The following PRKX variants were observed in gnomAD, a reference collection of about 807,000 sequenced individuals.
The protein encoded by PRKX is cAMP-dependent protein kinase catalytic subunit PRKX.
A neutral mutation model predicts 22.0 loss-of-function variants in PRKX; 12 were observed. The observed-to-expected ratio is 0.54, with a 90% CI of 0.35 to 0.88. The LOEUF (loss-of-function observed/expected upper bound fraction) is 0.88. PRKX is among the 40% of genes least tolerant of loss of function. The probability of loss-of-function intolerance (pLI) is 0.01; values close to 1 mark genes in which losing one functional copy is unlikely to be tolerated. For missense variants in PRKX, 217 were observed against 308.0 expected (o/e 0.70, Z 2.21); for synonymous variants, 134 against 137.7 (o/e 0.97, Z 0.19).
chrX:3,621,377 AACG>A, intron 5 of PRKX, 61 bp from the exon 6 acceptor site: 1 of 997,207 alleles, frequency 1.0e-6, no homozygotes, highest in Non-Finnish European at 1.4e-6. Flanking sequence ...AACATCAGCA[AACG>A]CAGCATGGCA....
chrX:3,690,635 G>C (rs927306231), intron 1 of PRKX, among the ~76,000 whole-genome samples: 2 of 111,352 alleles, frequency 1.8e-5, no homozygotes, highest in Non-Finnish European at 3.8e-5. Context: ...GGGAGGCTGA[G>C]GCAGGAGGAT....
intron 1 of PRKX, among the ~76,000 whole-genome samples, chrX:3,691,686 T>C (rs962408775): frequency 3.6e-5 from 4 of 111,392 alleles, no homozygotes; most frequent in Non-Finnish European, 5.7e-5. Flanking sequence ...CTGTTATCAG[T>C]AGCACCTCCC....
At chrX:3,638,434 C>A (rs1456667428) in intron 4 of PRKX, among the ~76,000 whole-genome samples, 2 of 111,722 alleles carry the variant, frequency 1.8e-5, no homozygotes, top group African/African-American at 6.5e-5. Context: ...CATTAGACTA[C>A]AGGATACAAC....
chrX:3,700,384 C>G (rs775479285), intron 1 of PRKX, among the ~76,000 whole-genome samples: 27 of 111,927 alleles, frequency 2.4e-4, no homozygotes, highest in Non-Finnish European at 3.4e-4. Context: ...AATTGATAAA[C>G]CAGAATCTAT....
intron 1 of PRKX, among the ~76,000 whole-genome samples, chrX:3,696,836 A>G (rs1200760305): frequency 9.0e-6 from 1 of 111,589 alleles, no homozygotes; most frequent in Non-Finnish European, 1.9e-5. Context: ...CCTGGCCAAC[A>G]AGGCAAAACT....
intron 3 of PRKX, among the ~76,000 whole-genome samples, chrX:3,654,419 C>A (rs941030637): frequency 1.0e-5 from 1 of 99,132 alleles, no homozygotes. Flanking sequence ...AATAAGTGCA[C>A]GTGTGTGTGA....
intron 1 of PRKX, among the ~76,000 whole-genome samples, chrX:3,694,478 T>C (rs1027503608): frequency 3.6e-5 from 4 of 111,111 alleles, no homozygotes; most frequent in African/African-American, 1.3e-4. Context: ...GAAGGCCACA[T>C]GGAGACGGAG....
chrX:3,633,459 G>C (rs1186374203), intron 4 of PRKX, among the ~76,000 whole-genome samples: 1 of 106,707 alleles, frequency 9.4e-6, no homozygotes, highest in Non-Finnish European at 1.9e-5. Flanking sequence ...AGCTACTCAA[G>C]AGGCGGAGGT....
chrX:3,713,017 T>G, intron 1 of PRKX, 71 bp downstream of exon 1: 1 of 1,088,621 alleles, frequency 9.2e-7, no homozygotes, highest in Non-Finnish European at 1.2e-6. Context: ...CCCAGGGCCC[T>G]TTGTCCTACT....
intron 1 of PRKX, among the ~76,000 whole-genome samples, chrX:3,712,205 C>T (rs1928804816): frequency 2.7e-5 from 3 of 111,519 alleles, no homozygotes; most frequent in South Asian, 7.7e-4. Flanking sequence ...ACACCCAGGA[C>T]AGCCCCCTCT....
intron 4 of PRKX, among the ~76,000 whole-genome samples, chrX:3,630,881 A>G (rs186896988): frequency 4.5e-5 from 5 of 111,740 alleles, no homozygotes; most frequent in Admixed American, 3.8e-4. Context: ...GTGGGGACAC[A>G]AAGCCAAACC....
intron 2 of PRKX, among the ~76,000 whole-genome samples, chrX:3,668,345 C>T (rs973757971): frequency 1.8e-5 from 2 of 110,497 alleles, no homozygotes; most frequent in Non-Finnish European, 3.8e-5. Context: ...GAGCAAGAAG[C>T]GCTATTTCTA....
chrX:3,698,468 T>A (rs1928487795), intron 1 of PRKX, among the ~76,000 whole-genome samples: 1 of 111,537 alleles, frequency 9.0e-6, no homozygotes, highest in Admixed American at 9.6e-5. Context: ...ATTACAGGCA[T>A]GAGCCACCGT....
rs371464779 is a variant in PRKX, at chrX:3,676,946, G to A, written c.167-2180C>T. Among the ~76,000 whole-genome samples, 402 of 111,933 alleles carry A rather than the reference G, an allele frequency of 3.6e-3. 3 individuals are homozygous for A. The highest frequency in any genetic ancestry group is 0.011 in the African/African-American group (346 of 30,767). ...CCTTTTACCTTCTGCCATGACTGTC[G>A]GAACCTCCGCAGCCATGTGGAACTG... On this transcript the variant is annotated intron_variant, in intron 1 of 8. Transcript: ENST00000262848.
At chrX:3,647,792 G>A (rs1927220882) in intron 3 of PRKX, among the ~76,000 whole-genome samples, 1 of 108,941 alleles carries the variant, frequency 9.2e-6, no homozygotes, top group African/African-American at 3.3e-5. Context: ...ACTGACCTTC[G>A]TGTTCAACCC....
At chrX:3,687,094 C>T (rs900157695) in intron 1 of PRKX, among the ~76,000 whole-genome samples, 3 of 111,072 alleles carry the variant, frequency 2.7e-5, no homozygotes, top group African/African-American at 9.8e-5. Context: ...AATCTCGGCT[C>T]ACTGCAGCAT....
intron 1 of PRKX, among the ~76,000 whole-genome samples, chrX:3,679,834 T>G (rs904670247): frequency 7.1e-5 from 8 of 112,015 alleles, no homozygotes; most frequent in African/African-American, 2.6e-4. Flanking sequence ...TTATAGCAGG[T>G]GCAATACAGT....
chrX:3,686,302 A>G (rs6641847), intron 1 of PRKX, among the ~76,000 whole-genome samples: 15,361 of 110,759 alleles, frequency 0.14, 939 homozygotes, highest in East Asian at 0.39. Flanking sequence ...TGTCCAAAAC[A>G]TAAGTCTTAA....
intron 1 of PRKX, among the ~76,000 whole-genome samples, chrX:3,677,060 A>G (rs920061819): frequency 3.6e-5 from 4 of 111,287 alleles, no homozygotes; most frequent in African/African-American, 1.3e-4. Flanking sequence ...TGCAGAATCT[A>G]CAATAGTCAA....
Sources: gnomAD v4.1 joint callset for allele counts (sites outside exome capture counted in the v4.1 genomes callset) on GRCh38, gnomAD v4.1.1 for gene constraint, MANE v1.5 for transcripts, NCBI Gene and HGNC (gene_info 2026-07-23, HGNC 2026-07-21) for gene names.